LY9: variants seen among roughly 807,000 people sequenced by gnomAD.
The protein encoded by LY9 is lymphocyte antigen 9.
A neutral mutation model predicts 64.6 loss-of-function variants in LY9; 59 were observed. The ratio of observed to expected loss-of-function variants is 0.91; its 90% CI spans 0.74 to 1.13. The LOEUF (loss-of-function observed/expected upper bound fraction) is 1.13. Ranked by LOEUF, LY9 falls within the 50% of genes most tolerant of loss-of-function variation. The pLI is 0.00. For missense variants in LY9, 789 were observed against 797.2 expected (o/e 0.99, Z 0.12); for synonymous variants, 281 against 308.5 (o/e 0.91, Z 0.93).
intron 9 of LY9, chr1:160,824,842 G>C (rs1283006915): frequency 1.2e-5 from 2 of 164,240 alleles, no homozygotes; most frequent in Non-Finnish European, 2.5e-5. Context: ...TTAGCCAGGC[G>C]TGGTGGCAGG....
chr1:160,810,161 G>A (rs1344271346), intron 2 of LY9: 1 of 152,246 alleles, frequency 6.6e-6, no homozygotes, highest in Non-Finnish European at 1.5e-5. Flanking sequence ...TTATAGGCGT[G>A]AGCCACTGTG....
At chr1:160,796,972 T>C (rs545277484) in intron 1 of LY9, 67 of 242,470 alleles carry the variant, frequency 2.8e-4, no homozygotes, top group African/African-American at 1.5e-3. Flanking sequence ...TCTTTCTATG[T>C]ATCCTGCCTT....
At chr1:160,801,866 G>A in intron 2 of LY9, 1 of 1,614,166 alleles carries the variant, frequency 6.2e-7, no homozygotes, top group East Asian at 2.2e-5. Flanking sequence ...GCGGCCTGGA[G>A]TCCATCATCA....
chr1:160,802,593 T>G (rs1202935579), intron 2 of LY9: 1 of 985,480 alleles, frequency 1.0e-6, no homozygotes, highest in Non-Finnish European at 1.2e-6. Context: ...TTACTGTAGC[T>G]GCCAGTGTAC....
chr1:160,827,308 A>G (rs2101846432), intron 9 of LY9, among the ~76,000 whole-genome samples: 1 of 152,330 alleles, frequency 6.6e-6, no homozygotes, highest in East Asian at 1.9e-4. Flanking sequence ...ACACTCTCAG[A>G]CAGGGAAGCC....
chr1:160,809,604 C>G (rs557555132), intron 2 of LY9: 1 of 151,602 alleles, frequency 6.6e-6, no homozygotes, highest in African/African-American at 2.4e-5. Context: ...TCAAACAATC[C>G]TTCCACCTCA....
chr1:160,805,738 G>GTC lies in LY9; in HGVS notation c.454+5659_454+5660dup, dbSNP rs1489889477. On this transcript the variant is annotated intron_variant, in intron 2 of 9. Transcript: ENST00000263285. Reference sequence around the variant, plus strand: ...ATTCTGTTGCAGTCTCTCTCTCTCTGTCTCACACACACACACACACACACA... The same window carrying GTC: ...ATTCTGTTGCAGTCTCTCTCTCTCTGTCTCTCACACACACACACACACACACA... Among the ~76,000 whole-genome samples the GTC allele has an allele frequency of 3.3e-4, 31 of 94,084 alleles. 1 individual carries two copies. In the East Asian group the frequency reaches 4.9e-3, roughly 15 times the overall value. 61.7% of individuals were successfully genotyped at this position (94,084 alleles called of 152,430 possible).
In LY9 at chr1:160,799,483, C is replaced by G. The variant is rs555179192; in HGVS notation, c.125-270C>G. On this transcript the variant is annotated intron_variant, in intron 1 of 9. Coordinates refer to ENST00000263285, the MANE Select transcript of LY9 (RefSeq NM_002348.4). Reference sequence around the variant, plus strand: ...TCACTGAAAAATTCAGAAATGTACCCAAAGTCACAAGGCTAATTCCTCTAC... The same window carrying G: ...TCACTGAAAAATTCAGAAATGTACCGAAAGTCACAAGGCTAATTCCTCTAC... 4 of 377,934 alleles carry G rather than the reference C, an allele frequency of 1.1e-5. No homozygotes were observed. The South Asian group carries it at 1.6e-4, about 15-fold the overall frequency. 23.4% of individuals were successfully genotyped at this position (377,934 alleles called of 1,614,324 possible).
Position 160,819,342 on chromosome 1 carries a change from C to T in LY9, c.1466C>T (p.Ser489Phe). Reference protein sequence around the residue: ...KGRCSVPAFCSSQAEAPADTP... With the variant: ...KGRCSVPAFCFSQAEAPADTP... The stretch of plus-strand genomic sequence containing the variant: ...TCAGGTTCAGTCCCAGCCTTCTGTT[C>T]CAGCCAAGCTGAGGCCCCAGCGGAT... Residue 489 changes from serine to phenylalanine, a missense_variant, in exon 7 of 10, where the codon TCC becomes TTC. Coordinates refer to ENST00000263285, the MANE Select transcript of LY9 (RefSeq NM_002348.4). 1 of 1,613,740 alleles carries T rather than the reference C, an allele frequency of 6.2e-7. No homozygotes were observed. Among genetic ancestry groups the T allele is most frequent in the Non-Finnish European group, 8.5e-7 (1 of 1,179,706 alleles).
intron 1 of LY9, chr1:160,798,787 T>C (rs1666153017): frequency 6.6e-6 from 1 of 152,364 alleles, no homozygotes; most frequent in Non-Finnish European, 1.5e-5. Context: ...TTATGCTCCT[T>C]TTTTGTCTCT....
intron 7 of LY9, 35 bp downstream of exon 7, chr1:160,819,409 T>C: frequency 2.6e-6 from 4 of 1,550,770 alleles, no homozygotes; most frequent in Non-Finnish European, 3.6e-6. Flanking sequence ...ATGGGGTATC[T>C]GGTCCAAATG....
chr1:160,813,675 AG>A lies in LY9; in HGVS notation c.496del (p.Val166CysfsTer11). 10 of 1,614,120 alleles carry A rather than the reference AG, an allele frequency of 6.2e-6. No homozygotes were observed. The highest frequency in any genetic ancestry group is 5.1e-6 in the Non-Finnish European group (6 of 1,180,002). On this transcript the variant is annotated frameshift_variant, in exon 3 of 10. Coordinates refer to ENST00000263285, the MANE Select transcript of LY9 (RefSeq NM_002348.4). LOFTEE classifies it high-confidence loss of function. The stretch of plus-strand genomic sequence containing the variant: ...CCCCAAGTCACCATGAAGTCTGTGA[AG>A]GTGTCTGAGAACTTCTCCTGTAACA... ...QEPQVTMKSV[K>X]VSENFSCNIT...
At chr1:160,810,249 C>T (rs186483775) in intron 2 of LY9, 38 of 152,348 alleles carry the variant, frequency 2.5e-4, no homozygotes, top group African/African-American at 9.1e-4. Flanking sequence ...CTTTACTCAT[C>T]TGTATTAGTG....
At chr1:160,824,293 A>C (rs545118078) in intron 9 of LY9, 44 bp downstream of exon 9, 1 of 1,612,746 alleles carries the variant, frequency 6.2e-7, no homozygotes, top group African/African-American at 1.3e-5. Flanking sequence ...CCACAGAGTG[A>C]GGAACTATTC....
At chr1:160,814,921 A>G in intron 4 of LY9, 160 bp downstream of exon 4, 1 of 631,728 alleles carries the variant, frequency 1.6e-6, no homozygotes, top group Non-Finnish European at 2.7e-6. Flanking sequence ...GATTCATAGG[A>G]GGCAAACTCA....
intron 7 of LY9, among the ~76,000 whole-genome samples, chr1:160,822,485 C>T (rs1000258158): frequency 3.9e-5 from 6 of 152,164 alleles, no homozygotes; most frequent in Middle Eastern, 3.2e-3. Flanking sequence ...ATGGAGCCGC[C>T]ATTTTGAAAA....
intron 1 of LY9, among the ~76,000 whole-genome samples, chr1:160,798,574 A>G (rs1666123392): frequency 6.6e-6 from 1 of 151,922 alleles, no homozygotes; most frequent in South Asian, 2.1e-4. Flanking sequence ...ACCTGACCCA[A>G]CCTTCTCATG....
chr1:160,809,281 A>G (rs1667264471), intron 2 of LY9, among the ~76,000 whole-genome samples: 1 of 151,670 alleles, frequency 6.6e-6, no homozygotes, highest in South Asian at 2.1e-4. Context: ...CTATCTTCCA[A>G]GTAGCTGGGA....
At chr1:160,805,919 C>CTTTTTTTT (rs60244350) in intron 2 of LY9, among the ~76,000 whole-genome samples, 18 of 72,436 alleles carry the variant, frequency 2.5e-4, no homozygotes, top group African/African-American at 6.2e-4. Flanking sequence ...CATTCTTTGT[C>CTTTTTTTT]TTTTTTTTTT....
Sources: gnomAD v4.1 joint callset for allele counts (sites outside exome capture counted in the v4.1 genomes callset) on GRCh38, gnomAD v4.1.1 for gene constraint, MANE v1.5 for transcripts, NCBI Gene and HGNC (gene_info 2026-07-23, HGNC 2026-07-21) for gene names.